The following ZNF804A variants were observed in gnomAD, a reference collection of about 807,000 sequenced individuals.
ZNF804A encodes the protein zinc finger protein 804A.
ZNF804A carries 2 observed loss-of-function variants against 16.5 expected under a neutral mutation model. The observed-to-expected ratio is 0.12, with a 90% CI of 0.05 to 0.38. ZNF804A has a LOEUF of 0.38. Among genes scored for constraint, ZNF804A ranks in the 10% least tolerant of loss-of-function variants. The pLI, the probability that ZNF804A is intolerant of heterozygous loss-of-function variation, is 0.99. For synonymous variants in ZNF804A, 534 were observed against 489.6 expected (o/e 1.09, Z -1.20); for missense variants, 1,473 against 1,390.7 (o/e 1.06, Z -0.94).
chr2:184,696,613 A>G (rs1692835590), intron 1 of ZNF804A, among the ~76,000 whole-genome samples: 1 of 152,152 alleles, frequency 6.6e-6, no homozygotes, highest in East Asian at 1.9e-4. Flanking sequence ...AATATTTTAT[A>G]TGATTTAAAC....
At chr2:184,635,886 T>C (rs1406795768) in intron 1 of ZNF804A, among the ~76,000 whole-genome samples, 1 of 152,192 alleles carries the variant, frequency 6.6e-6, no homozygotes, top group Non-Finnish European at 1.5e-5. Context: ...CAAGAAAGAT[T>C]GTTAATTTGC....
At position 184,829,899 on chromosome 2, in the gene ZNF804A, C is replaced by CAA. The variant is rs1244566222; in HGVS notation, c.112-36448_112-36447dup. The stretch of plus-strand genomic sequence containing the variant: ...CAACATGTCAAAACCCTGTCTCTAC[C>CAA]AAAAAAAAAAAAAAAAAAAAAAACA... On this transcript the variant is annotated intron_variant, in intron 1 of 3. Coordinates refer to ENST00000302277, the MANE Select transcript of ZNF804A (RefSeq NM_194250.2). Among the ~76,000 whole-genome samples, 136 of 38,784 alleles carry CAA rather than the reference C, an allele frequency of 3.5e-3. 5 individuals carry two copies. Among genetic ancestry groups the CAA allele is most frequent in the African/African-American group, 5.0e-3 (53 of 10,638 alleles). 25.4% of individuals were successfully genotyped at this position (38,784 alleles called of 152,430 possible). A position where few individuals can be genotyped will look rare whatever the true frequency, so the allele number is the denominator to read the frequency against.
intron 2 of ZNF804A, among the ~76,000 whole-genome samples, chr2:184,903,813 G>A (rs1481998642): frequency 3.9e-5 from 6 of 151,952 alleles, no homozygotes; most frequent in Admixed American, 6.6e-5. Context: ...CACGATTTAT[G>A]CTATAAACAT....
chr2:184,892,290 T>C (rs1008588963), intron 2 of ZNF804A, among the ~76,000 whole-genome samples: 1 of 152,012 alleles, frequency 6.6e-6, no homozygotes, highest in African/African-American at 2.4e-5. Flanking sequence ...CCAAACTTTG[T>C]TCAGTAATTT....
intron 1 of ZNF804A, among the ~76,000 whole-genome samples, chr2:184,821,941 G>A (rs1285664262): frequency 6.6e-6 from 1 of 152,122 alleles, no homozygotes. Flanking sequence ...TGGAGAAAAA[G>A]AAACGCTTTT....
At chr2:184,761,638 A>G (rs1230048013) in intron 1 of ZNF804A, among the ~76,000 whole-genome samples, 1 of 152,154 alleles carries the variant, frequency 6.6e-6, no homozygotes, top group Non-Finnish European at 1.5e-5. Flanking sequence ...GGGGCCAAGT[A>G]GGAAATAAAA....
chr2:184,867,545 A>C (rs1399248818), intron 2 of ZNF804A, among the ~76,000 whole-genome samples: 2 of 151,824 alleles, frequency 1.3e-5, no homozygotes, highest in Non-Finnish European at 2.9e-5. Context: ...TGTAGGGAAG[A>C]ATTTACCCTT....
chr2:184,775,755 A>G (rs1341835950), intron 1 of ZNF804A, among the ~76,000 whole-genome samples: 3 of 151,658 alleles, frequency 2.0e-5, no homozygotes, highest in East Asian at 1.9e-4. Flanking sequence ...CTGCTCAAGC[A>G]CTTCCTAGAC....
intron 1 of ZNF804A, among the ~76,000 whole-genome samples, chr2:184,842,749 A>G (rs1305460090): frequency 6.6e-6 from 1 of 152,130 alleles, no homozygotes; most frequent in Non-Finnish European, 1.5e-5. Context: ...ATTCACATAT[A>G]AGCTCTGGGA....
intron 1 of ZNF804A, among the ~76,000 whole-genome samples, chr2:184,805,692 T>C (rs906119621): frequency 3.9e-5 from 6 of 152,028 alleles, no homozygotes; most frequent in African/African-American, 1.2e-4. Context: ...GAATAGGTAG[T>C]TCAAACTTAA....
At chr2:184,766,034 T>A (rs917523238) in intron 1 of ZNF804A, among the ~76,000 whole-genome samples, 15 of 152,122 alleles carry the variant, frequency 9.9e-5, no homozygotes, top group Admixed American at 9.2e-4. Context: ...ATACAGCATG[T>A]TTCTGGCATT....
intron 1 of ZNF804A, among the ~76,000 whole-genome samples, chr2:184,741,748 A>C (rs1221632136): frequency 2.0e-5 from 3 of 152,150 alleles, no homozygotes; most frequent in African/African-American, 4.8e-5. Context: ...TATACAGGTA[A>C]TATTTGATGC....
chr2:184,666,884 T>C (rs1018130260), intron 1 of ZNF804A, among the ~76,000 whole-genome samples: 1 of 152,018 alleles, frequency 6.6e-6, no homozygotes, highest in African/African-American at 2.4e-5. Flanking sequence ...AAAAATTGAA[T>C]TGCAGAAAAC....
rs941274177 is a variant in ZNF804A, at chr2:184,933,617, G to T, written c.270G>T (p.Leu90=). The change falls in exon 3 of 4, where the codon CTG becomes CTT. Residue 90 remains leucine (L), a synonymous_variant. Transcript: ENST00000302277. ...TTTTTTAACAGAGGCTCAAGGAACT[G>T]AAACAAAGGGAATTTGCTCGAAATG... ...DHAHKQRLKE[L]KQREFARNVA... The T allele has an allele frequency of 4.4e-6, 7 of 1,599,934 alleles. No individual in the cohort carries two copies. The highest frequency in any genetic ancestry group is 3.6e-5 in the Admixed American group (2 of 56,174).
At chr2:184,733,938 AT>A (rs982442950) in intron 1 of ZNF804A, among the ~76,000 whole-genome samples, 2 of 150,828 alleles carry the variant, frequency 1.3e-5, no homozygotes, top group Non-Finnish European at 3.0e-5. Flanking sequence ...GAGACATATC[AT>A]TTTGTTGATC....
chr2:184,704,771 A>C (rs1692995500), intron 1 of ZNF804A, among the ~76,000 whole-genome samples: 1 of 152,184 alleles, frequency 6.6e-6, no homozygotes, highest in Non-Finnish European at 1.5e-5. Flanking sequence ...ATCTCAAAGC[A>C]CAAAAGTGAG....
At chr2:184,692,337 AT>A (rs1002464592) in intron 1 of ZNF804A, among the ~76,000 whole-genome samples, 54 of 152,298 alleles carry the variant, frequency 3.5e-4, no homozygotes, top group African/African-American at 1.3e-3. Context: ...TGTTGAATTC[AT>A]TACAGTCTTT....
At chr2:184,906,011 C>T (rs746577079) in intron 2 of ZNF804A, among the ~76,000 whole-genome samples, 2 of 152,108 alleles carry the variant, frequency 1.3e-5, no homozygotes, top group Admixed American at 6.6e-5. Context: ...ATCAGGTTAC[C>T]TTCTGGCCAA....
intron 1 of ZNF804A, among the ~76,000 whole-genome samples, chr2:184,625,414 CTAGA>C (rs1691479868): frequency 6.6e-6 from 1 of 151,740 alleles, no homozygotes; most frequent in Non-Finnish European, 1.5e-5. Context: ...AATTTTATGT[CTAGA>C]TAGATAAAGA....
Sources: allele counts gnomAD v4.1 joint callset (sites outside exome capture counted in the v4.1 genomes callset), GRCh38; gene constraint gnomAD v4.1.1; transcripts MANE v1.5; gene names NCBI Gene and HGNC (gene_info 2026-07-23, HGNC 2026-07-21).